Variants in GRHL2 observed in about 807,000 individuals in gnomAD.
The protein encoded by GRHL2 is grainyhead-like protein 2 homolog.
In GRHL2, 21 loss-of-function variants were observed where a neutral mutation model predicts 83.8. That is an observed-to-expected ratio of 0.25 (90% confidence interval 0.18 to 0.36). The LOEUF is 0.36. GRHL2 is among the 10% of genes least tolerant of loss of function. The pLI is 1.00. For missense variants in GRHL2, 623 were observed against 781.8 expected, an observed-to-expected ratio of 0.80 and a Z score of 2.42; for synonymous variants, 280 against 278.9, an observed-to-expected ratio of 1.00 and a Z score of -0.04.
chr8:101,612,200 G>C (rs561329453), intron 8 of GRHL2, among the ~76,000 whole-genome samples: 1 of 151,018 alleles, frequency 6.6e-6, no homozygotes, highest in African/African-American at 2.5e-5. Flanking sequence ...ATGTTGGCCA[G>C]GTTAGTCTCG....
At chr8:101,520,036 A>G (rs1280991041) in intron 1 of GRHL2, among the ~76,000 whole-genome samples, 1 of 152,252 alleles carries the variant, frequency 6.6e-6, no homozygotes, top group African/African-American at 2.4e-5. Context: ...TTAATTTTAG[A>G]TCAAACTTAT....
At chr8:101,612,592 G>A (rs1812775758) in intron 8 of GRHL2, among the ~76,000 whole-genome samples, 1 of 150,650 alleles carries the variant, frequency 6.6e-6, no homozygotes, top group Admixed American at 6.6e-5. Context: ...ATATATAGTT[G>A]ATGCTCAATT....
intron 7 of GRHL2, among the ~76,000 whole-genome samples, chr8:101,585,811 A>C (rs187363650): frequency 1.3e-4 from 20 of 152,196 alleles, no homozygotes; most frequent in African/African-American, 4.8e-4. Flanking sequence ...AATAATTTTC[A>C]ATCATAATTG....
Position 101,644,136 on chromosome 8 carries a change from G to A in GRHL2, c.1523G>A (p.Ser508Asn), listed in dbSNP as rs757766997. The change falls in exon 13 of 16, where the codon AGT becomes AAT. Residue 508 changes from serine to asparagine, a missense_variant. Coordinates refer to ENST00000646743, the MANE Select transcript of GRHL2 (RefSeq NM_024915.4). ...YNTDDEREGGSVLVKRMFRPM... is the reference protein window; with the variant it reads ...YNTDDEREGGNVLVKRMFRPM... Reference sequence around the variant, plus strand: ...TTTCTGCTTATCTTTTCTAGTGGCAGTGTCCTTGTTAAACGGATGTTCCGG... The same window carrying A: ...TTTCTGCTTATCTTTTCTAGTGGCAATGTCCTTGTTAAACGGATGTTCCGG... The A allele has an allele frequency of 3.1e-6, 5 of 1,613,766 alleles. No homozygotes were observed. In the South Asian group the frequency reaches 5.5e-5, roughly 18 times the overall value.
At chr8:101,583,214 G>A (rs1361629261) in intron 7 of GRHL2, among the ~76,000 whole-genome samples, 1 of 152,174 alleles carries the variant, frequency 6.6e-6, no homozygotes, top group Admixed American at 6.5e-5. Flanking sequence ...TGTATTTCAG[G>A]GAGGTAATTC....
At chr8:101,580,205 A>T (rs555222259) in intron 7 of GRHL2, among the ~76,000 whole-genome samples, 1 of 152,262 alleles carries the variant, frequency 6.6e-6, no homozygotes, top group South Asian at 2.1e-4. Context: ...GTACTTATGG[A>T]GTACCTGTGA....
intron 1 of GRHL2, among the ~76,000 whole-genome samples, chr8:101,502,421 G>C (rs962008509): frequency 6.6e-6 from 1 of 152,164 alleles, no homozygotes; most frequent in Non-Finnish European, 1.5e-5. Flanking sequence ...GTCTGATTCA[G>C]ATGGCAGACT....
chr8:101,557,045 T>C (rs1008732551), intron 3 of GRHL2, among the ~76,000 whole-genome samples: 5 of 152,104 alleles, frequency 3.3e-5, no homozygotes, highest in South Asian at 2.1e-4. Context: ...TGCTTGATAC[T>C]GACCTTTTCT....
intron 1 of GRHL2, among the ~76,000 whole-genome samples, chr8:101,511,495 G>T (rs940437661): frequency 6.6e-6 from 1 of 152,102 alleles, no homozygotes; most frequent in African/African-American, 2.4e-5. Context: ...CTACAGGCGT[G>T]TGCCACCACA....
At chr8:101,575,804 G>A (rs1170985917) in intron 6 of GRHL2, among the ~76,000 whole-genome samples, 1 of 152,236 alleles carries the variant, frequency 6.6e-6, no homozygotes, top group East Asian at 1.9e-4. Flanking sequence ...GGAAAAGTTT[G>A]AGGCGTGGCA....
At chr8:101,529,071 T>C (rs11548288) in intron 1 of GRHL2, 1 of 380,760 alleles carries the variant, frequency 2.6e-6, no homozygotes, top group South Asian at 2.1e-5. Context: ...TTTCAGGGAG[T>C]TCTTCCTCTT....
chr8:101,628,852 G>A (rs1240470979), intron 9 of GRHL2, among the ~76,000 whole-genome samples: 7 of 152,240 alleles, frequency 4.6e-5, no homozygotes, highest in Admixed American at 2.0e-4. Flanking sequence ...AACTAGAAGT[G>A]GAGCCTAAAG....
chr8:101,628,136 A>C (rs1398539847), intron 9 of GRHL2, among the ~76,000 whole-genome samples: 1 of 152,154 alleles, frequency 6.6e-6, no homozygotes, highest in Non-Finnish European at 1.5e-5. Flanking sequence ...ACAGCCTTCT[A>C]TTGGGAGATG....
chr8:101,605,059 C>T (rs536653459), intron 8 of GRHL2, among the ~76,000 whole-genome samples: 2 of 152,306 alleles, frequency 1.3e-5, no homozygotes, highest in Admixed American at 1.3e-4. Flanking sequence ...AGCAAATGTT[C>T]TTCCTGCATT....
At chr8:101,535,670 C>G (rs1253896814) in intron 1 of GRHL2, among the ~76,000 whole-genome samples, 1 of 152,144 alleles carries the variant, frequency 6.6e-6, no homozygotes, top group Non-Finnish European at 1.5e-5. Context: ...TCCCAAGTAG[C>G]TGGGATTACA....
chr8:101,672,970 G>T (rs1320168341), downstream of GRHL2, among the ~76,000 whole-genome samples: 1 of 151,144 alleles, frequency 6.6e-6, no homozygotes, highest in African/African-American at 2.4e-5. Flanking sequence ...ATAAGTGAAG[G>T]AGAAATAAAA....
chr8:101,545,013 A>T (rs945449068), intron 2 of GRHL2, among the ~76,000 whole-genome samples: 1 of 152,182 alleles, frequency 6.6e-6, no homozygotes, highest in African/African-American at 2.4e-5. Flanking sequence ...TAAAACACTC[A>T]GGAGGGATTC....
At chr8:101,577,108 A>C (rs1032097330) in intron 6 of GRHL2, among the ~76,000 whole-genome samples, 1 of 152,154 alleles carries the variant, frequency 6.6e-6, no homozygotes, top group African/African-American at 2.4e-5. Flanking sequence ...TGCTGACCTC[A>C]CAAAATAATA....
intron 1 of GRHL2, among the ~76,000 whole-genome samples, chr8:101,499,269 T>C (rs1326916552): frequency 1.3e-5 from 2 of 152,224 alleles, no homozygotes; most frequent in Non-Finnish European, 1.5e-5. Flanking sequence ...CAGTTCCTCT[T>C]TATGGCTTAT....
Sources: gnomAD v4.1 joint callset for allele counts (sites outside exome capture counted in the v4.1 genomes callset) on GRCh38, gnomAD v4.1.1 for gene constraint, MANE v1.5 for transcripts, NCBI Gene and HGNC (gene_info 2026-07-23, HGNC 2026-07-21) for gene names.